The following PPP2R3B variants were observed in gnomAD, a reference collection of about 807,000 sequenced individuals.
PPP2R3B encodes the protein serine/threonine-protein phosphatase 2A regulatory subunit B'' subunit beta.
PPP2R3B carries 68 observed loss-of-function variants against 72.9 expected under a neutral mutation model. The observed-to-expected ratio is 0.93, with a 90% confidence interval of 0.77 to 1.14. PPP2R3B has a LOEUF of 1.14. PPP2R3B is among the 50% of genes most tolerant of loss of function. The probability of loss-of-function intolerance (pLI) is 0.00; values close to 1 mark genes in which losing one functional copy is unlikely to be tolerated. For missense variants in PPP2R3B, 1,018 were observed against 842.0 expected (o/e 1.21, Z -2.59); for synonymous variants, 466 against 375.8 (o/e 1.24, Z -2.78).
Position 386,501 on chromosome X carries a change from G to A in PPP2R3B, c.191C>T (p.Ala64Val), listed in dbSNP as rs1481733756. The A allele has an allele frequency of 1.5e-6, 2 of 1,296,038 alleles. No individual in the cohort carries two copies. The highest frequency in any genetic ancestry group is 2.0e-6 in the Non-Finnish European group (2 of 1,022,232). The allele number at this position is 1,296,038 out of a possible 1,614,324, so 80.3% of individuals were successfully genotyped here. ...TTCGAGCCCGCTGGGCCGGGGGGCG[G>A]CGAGCGGGGCTGTGGGCCAGGCCCC... Reference protein sequence around the residue: ...QPGAWPTAPLAAPRPSGLEPP... With the variant: ...QPGAWPTAPLVAPRPSGLEPP... Residue 64 changes from alanine to valine, a missense_variant, in exon 1 of 13, where the codon GCC becomes GTC. By Grantham distance (64) the Ala-to-Val change is moderately conservative (BLOSUM62 0). Transcript: ENST00000390665.
chrX:345,302 G>A lies in PPP2R3B; in HGVS notation c.1036+214C>T, dbSNP rs1215676777. The A allele has an allele frequency of 9.4e-6, 7 of 743,022 alleles. No homozygotes were observed. In the Admixed American group the frequency reaches 1.4e-4, roughly 15 times the overall value. The allele number at this position is 743,022 out of a possible 1,614,324, so 46.0% of individuals were successfully genotyped here. A position where few individuals can be genotyped will look rare whatever the true frequency, so the allele number is the denominator to read the frequency against. On this transcript the variant is annotated intron_variant, in intron 7 of 12. Coordinates refer to ENST00000390665, the MANE Select transcript of PPP2R3B (RefSeq NM_013239.5). ...ACCCTGTAGACGCCCCCAGGCAGAG[G>A]CCTCGGGCAGAGGCGCACGCGGGGA...
At chrX:382,373 T>A (rs1402739987) in intron 1 of PPP2R3B, among the ~76,000 whole-genome samples, 1 of 151,912 alleles carries the variant, frequency 6.6e-6, no homozygotes, top group Non-Finnish European at 1.5e-5. Flanking sequence ...AATTTTTGTA[T>A]TTTTAGTAGA....
chrX:351,449 C>T (rs1189113622), intron 2 of PPP2R3B, among the ~76,000 whole-genome samples: 1 of 152,186 alleles, frequency 6.6e-6, no homozygotes, highest in Non-Finnish European at 1.5e-5. Context: ...AGGGATGGAG[C>T]ATCAGATCTA....
chrX:340,889 G>A lies in PPP2R3B; in HGVS notation c.1227C>T (p.Ser409=). ...CGTAGAAGTACTCGAGCTCGAACAT[G>A]GACAGGGCGCCGTCCCCGTCCAGGT... The part of the protein sequence containing the change: ...CMDLDGDGAL[S]MFELEYFYEE... The change falls in exon 10 of 13, where the codon TCC becomes TCT. Residue 409 remains serine (S), a synonymous_variant. Coordinates refer to ENST00000390665, the MANE Select transcript of PPP2R3B (RefSeq NM_013239.5). 6.2e-7 allele frequency: 1 copy of A among 1,612,004 alleles called. No homozygotes were observed. The highest frequency in any genetic ancestry group is 8.5e-7 in the Non-Finnish European group (1 of 1,179,670).
At chrX:337,860 G>A (rs2738384) in intron 12 of PPP2R3B, 110,301 of 152,784 alleles carry the variant, frequency 0.72, 40,454 homozygotes, top group Middle Eastern at 0.83. Context: ...GGACACCCAC[G>A]TACCACAAGG....
intron 1 of PPP2R3B, among the ~76,000 whole-genome samples, chrX:381,516 G>A (rs1046662960): frequency 4.6e-5 from 7 of 150,768 alleles, no homozygotes; most frequent in Non-Finnish European, 5.9e-5. Flanking sequence ...GCCAGAGTTT[G>A]TAGCATGGAA....
intron 1 of PPP2R3B, among the ~76,000 whole-genome samples, chrX:381,808 C>A (rs1157314069): frequency 6.6e-6 from 1 of 151,860 alleles, no homozygotes; most frequent in African/African-American, 2.4e-5. Flanking sequence ...CTGTGTTAGC[C>A]AAGATGGTCT....
At chrX:356,362 C>T (rs1324895195) in intron 2 of PPP2R3B, among the ~76,000 whole-genome samples, 2 of 152,112 alleles carry the variant, frequency 1.3e-5, no homozygotes, top group Non-Finnish European at 2.9e-5. Flanking sequence ...ATGACAGGTG[C>T]CCGCCACCAT....
chrX:386,804 G>A lies in PPP2R3B; in HGVS notation c.-113C>T, dbSNP rs2072268247. On this transcript the variant is annotated 5_prime_UTR_variant, in exon 1 of 13. Coordinates refer to ENST00000390665, the MANE Select transcript of PPP2R3B (RefSeq NM_013239.5). ...TGCGAGCACGGCCCGCTGAGGGGGCGCGGCGCAGGGAACAGGGCCCGCGCC... is the reference window on the plus strand; with the variant it reads ...TGCGAGCACGGCCCGCTGAGGGGGCACGGCGCAGGGAACAGGGCCCGCGCC... 2 of 570,802 alleles carry A rather than the reference G, an allele frequency of 3.5e-6. No individual in the cohort carries two copies. The highest frequency in any genetic ancestry group is 6.0e-5 in the East Asian group (1 of 16,782). 35.4% of individuals were successfully genotyped at this position (570,802 alleles called of 1,614,324 possible). A position where few individuals can be genotyped will look rare whatever the true frequency, so the allele number is the denominator to read the frequency against.
intron 3 of PPP2R3B, 88 bp downstream of exon 3, chrX:347,502 G>T: frequency 7.0e-7 from 1 of 1,425,820 alleles, no homozygotes; most frequent in Non-Finnish European, 9.7e-7. Flanking sequence ...CACTGCGGCA[G>T]CCTCAGGGGG....
intron 1 of PPP2R3B, among the ~76,000 whole-genome samples, chrX:371,118 A>G (rs998068618): frequency 3.9e-5 from 6 of 152,006 alleles, no homozygotes; most frequent in African/African-American, 1.5e-4. Flanking sequence ...CCGGGGACAG[A>G]AGGCCCGAGA....
At chrX:348,269 T>C (rs993445345) in intron 2 of PPP2R3B, among the ~76,000 whole-genome samples, 5 of 133,534 alleles carry the variant, frequency 3.7e-5, no homozygotes, top group Admixed American at 1.5e-4. Context: ...TTGAAAGATT[T>C]CTTAAAAATT....
Position 346,759 on chromosome X carries a change from TG to T in PPP2R3B, c.733del (p.His245ThrfsTer7), listed in dbSNP as rs1185968778. ...VPFLQDVVNT[H>X]PGLSFLKEAS... ...CTCCTTCAGGAACGACAGCCCCGGG[TG>T]CGTGTTCACCACGTCCTGCGGGTGG... is the stretch of plus-strand genomic sequence containing the variant. On this transcript the variant is annotated frameshift_variant, in exon 5 of 13. Transcript: ENST00000390665. LOFTEE classifies it high-confidence loss of function. 6.2e-7 allele frequency: 1 copy of T among 1,610,116 alleles called. No homozygotes were observed. The highest frequency in any genetic ancestry group is 1.7e-5 in the Admixed American group (1 of 59,894).
chrX:383,199 C>T (rs1221408157), intron 1 of PPP2R3B, among the ~76,000 whole-genome samples: 3 of 152,086 alleles, frequency 2.0e-5, no homozygotes, highest in Non-Finnish European at 2.9e-5. Flanking sequence ...CAGAAGACAT[C>T]GGACAACCAC....
At chrX:374,352 C>T (rs917311589) in intron 1 of PPP2R3B, among the ~76,000 whole-genome samples, 1 of 152,214 alleles carries the variant, frequency 6.6e-6, no homozygotes, top group East Asian at 1.9e-4. Context: ...CCCAGACATC[C>T]CGGCAGCCCG....
At chrX:363,487 A>ACGATCCCACAAT (rs2071596972) in intron 1 of PPP2R3B, among the ~76,000 whole-genome samples, 1 of 54,884 alleles carries the variant, frequency 1.8e-5, no homozygotes, top group African/African-American at 6.4e-5. Flanking sequence ...CCCCGAGCCC[A>ACGATCCCACAAT]GCATCCCACA....
intron 1 of PPP2R3B, among the ~76,000 whole-genome samples, chrX:371,469 C>T (rs763551006): frequency 2.2e-4 from 33 of 152,162 alleles, no homozygotes; most frequent in South Asian, 1.2e-3. Flanking sequence ...GGTTCACCAT[C>T]GGGGCAGGCA....
At chrX:363,234 ACAGTGCATCTCCCCGAGCCCATGATCCCG>A (rs1569403442) in intron 1 of PPP2R3B, among the ~76,000 whole-genome samples, 3,850 of 149,500 alleles carry the variant, frequency 0.026, 263 homozygotes, top group African/African-American at 0.078. Context: ...CCGCGATCCC[ACAGTGCATCTCCCCGAGCCCATGATCCCG>A]CAGTGCATCT....
chrX:363,598 TGCCCGCAATCCCACAATGCATCTCCCCGA>T (rs2071604900), intron 1 of PPP2R3B, among the ~76,000 whole-genome samples: 2 of 99,842 alleles, frequency 2.0e-5, no homozygotes, highest in African/African-American at 4.4e-5. Flanking sequence ...CATCTCCCCG[TGCCCGCAATCCCACAATGCATCTCCCCGA>T]GCCCACCATC....
Sources: gnomAD v4.1 joint callset for allele counts (sites outside exome capture counted in the v4.1 genomes callset) on GRCh38, gnomAD v4.1.1 for gene constraint, MANE v1.5 for transcripts, NCBI Gene and HGNC (gene_info 2026-07-23, HGNC 2026-07-21) for gene names.